WBP1L: variants seen among roughly 807,000 people sequenced by gnomAD.
The protein encoded by WBP1L is WW domain binding protein 1 like.
Under a neutral mutation model 33.7 loss-of-function variants are expected in WBP1L, and 17 were observed. The observed-to-expected ratio is 0.50, with a 90% CI of 0.34 to 0.76. The LOEUF (loss-of-function observed/expected upper bound fraction) is 0.76, where lower values mean the gene tolerates loss of function less well. WBP1L is among the 30% of genes least tolerant of loss of function. The pLI, the probability that WBP1L is intolerant of heterozygous loss-of-function variation, is 0.01. For missense variants in WBP1L, 389 were observed against 469.4 expected (o/e 0.83, Z 1.58); for synonymous variants, 173 against 190.8 (o/e 0.91, Z 0.77).
chr10:102,761,584 G>C lies in WBP1L; in HGVS notation c.90+17441G>C, dbSNP rs576541389. ...TGAGTCTCCTGCCTCAGCCTTCTGA[G>C]TAGCTGGGATTACAGGCACCTTCCA... On this transcript the variant is annotated intron_variant, in intron 1 of 3. Coordinates refer to ENST00000448841, the MANE Select transcript of WBP1L (RefSeq NM_001083913.2). Among the ~76,000 whole-genome samples the C allele has an allele frequency of 9.1e-4, 138 of 152,148 alleles. 2 individuals are homozygous for C. Among genetic ancestry groups the C allele is most frequent in the Admixed American group, 8.3e-3 (127 of 15,286 alleles).
intron 1 of WBP1L, among the ~76,000 whole-genome samples, chr10:102,760,789 G>A (rs1177563169): frequency 2.0e-5 from 3 of 152,176 alleles, no homozygotes; most frequent in Non-Finnish European, 4.4e-5. Flanking sequence ...GAGTCTTAGT[G>A]CATATGCTTA....
intron 1 of WBP1L, among the ~76,000 whole-genome samples, chr10:102,779,458 C>G (rs1843308882): frequency 6.6e-6 from 1 of 151,834 alleles, no homozygotes; most frequent in African/African-American, 2.4e-5. Flanking sequence ...CCACCACGCC[C>G]AGCTAATTTT....
intron 1 of WBP1L, among the ~76,000 whole-genome samples, chr10:102,764,822 A>G (rs1192208275): frequency 1.3e-5 from 2 of 152,244 alleles, no homozygotes; most frequent in Non-Finnish European, 2.9e-5. Context: ...GCACGGTGCC[A>G]TGAGCTGTGC....
At chr10:102,783,350 G>C (rs574025910) in intron 1 of WBP1L, among the ~76,000 whole-genome samples, 18 of 152,302 alleles carry the variant, frequency 1.2e-4, no homozygotes, top group Middle Eastern at 3.4e-3. Flanking sequence ...CCTTCATGCT[G>C]CTGCTTGTAC....
intron 3 of WBP1L, among the ~76,000 whole-genome samples, chr10:102,811,953 C>T (rs943646861): frequency 3.3e-5 from 5 of 152,184 alleles, no homozygotes; most frequent in Non-Finnish European, 7.4e-5. Context: ...AAAGATAACT[C>T]ACCTAGCATG....
chr10:102,767,914 C>A (rs1843132610), intron 1 of WBP1L, among the ~76,000 whole-genome samples: 1 of 152,200 alleles, frequency 6.6e-6, no homozygotes. Flanking sequence ...GACATTCTAC[C>A]CCCAACTAAT....
In WBP1L at chr10:102,814,487, G is replaced by A. The variant is rs1323970420; in HGVS notation, c.*1156G>A. 1.9e-5 allele frequency: 2 copies of A among 104,578 alleles called. No individual in the cohort carries two copies. The highest frequency in any genetic ancestry group is 4.0e-5 in the Non-Finnish European group (2 of 50,092). The allele number at this position is 104,578 out of a possible 1,614,324, so 6.5% of individuals were successfully genotyped here. A position where few individuals can be genotyped will look rare whatever the true frequency, so the allele number is the denominator to read the frequency against. On this transcript the variant is annotated 3_prime_UTR_variant, in exon 4 of 4. Transcript: ENST00000448841. ...CTTTGATTCTGAATAAATATTTTTT[G>A]TGGGGTTTTTTTTTTTTTTTTGGTG...
chr10:102,757,590 T>G (rs1842991860), intron 1 of WBP1L, among the ~76,000 whole-genome samples: 3 of 148,746 alleles, frequency 2.0e-5, no homozygotes, highest in South Asian at 2.2e-4. Flanking sequence ...TTTTTTTTTT[T>G]TTGTTGATAC....
chr10:102,776,742 G>A (rs1450176249), intron 1 of WBP1L, among the ~76,000 whole-genome samples: 2 of 152,168 alleles, frequency 1.3e-5, no homozygotes, highest in East Asian at 3.8e-4. Context: ...GAGGCAGAGT[G>A]CGATTCTTGC....
At chr10:102,771,803 G>A (rs1173577161) in intron 1 of WBP1L, among the ~76,000 whole-genome samples, 1 of 116,014 alleles carries the variant, frequency 8.6e-6, no homozygotes, top group African/African-American at 3.8e-5. Context: ...GTGAGACTCT[G>A]TCTCAAGAAA....
chr10:102,792,310 T>C (rs774594462), intron 1 of WBP1L, among the ~76,000 whole-genome samples: 1 of 152,258 alleles, frequency 6.6e-6, no homozygotes, highest in Non-Finnish European at 1.5e-5. Context: ...GCATTCATTA[T>C]GCACCAAAGT....
chr10:102,768,535 C>T lies in WBP1L; in HGVS notation c.90+24392C>T, dbSNP rs57728980. 5.4e-5 allele frequency among the ~76,000 whole-genome samples: 3 copies of T among 56,012 alleles called. 1 individual carries two copies. The highest frequency in any genetic ancestry group is 5.0e-4 in the Admixed American group (3 of 5,978). The allele number at this position is 56,012 out of a possible 152,430, so 36.7% of individuals were successfully genotyped here. ...CCCAGTAGCTGTGACTACAGGCGCC[C>T]GCCACCGCGCCCGGCTAATTTTTTT... On this transcript the variant is annotated intron_variant, in intron 1 of 3. Transcript: ENST00000448841.
chr10:102,753,936 C>G (rs1388547827), intron 1 of WBP1L, among the ~76,000 whole-genome samples: 1 of 152,144 alleles, frequency 6.6e-6, no homozygotes, highest in Non-Finnish European at 1.5e-5. Flanking sequence ...CAGAGGCATG[C>G]ATTCATGGAG....
chr10:102,782,686 C>G (rs1440301878), intron 1 of WBP1L, among the ~76,000 whole-genome samples: 3 of 152,078 alleles, frequency 2.0e-5, no homozygotes, highest in African/African-American at 7.2e-5. Flanking sequence ...GCAGAGCTCA[C>G]CTGAACTTGA....
chr10:102,783,294 T>G (rs997669329), intron 1 of WBP1L, among the ~76,000 whole-genome samples: 1 of 152,212 alleles, frequency 6.6e-6, no homozygotes, highest in Middle Eastern at 3.2e-3. Flanking sequence ...GCACTGGTCA[T>G]GTGAAAATCA....
rs750678879 is a variant in WBP1L, at chr10:102,813,389, C to T, written c.*58C>T. 1.2e-4 allele frequency: 180 copies of T among 1,529,510 alleles called. 1 individual carries two copies. Among genetic ancestry groups the T allele is most frequent in the Non-Finnish European group, 1.4e-4 (159 of 1,141,544 alleles). The allele number at this position is 1,529,510 out of a possible 1,614,324, so 94.7% of individuals were successfully genotyped here. A position where few individuals can be genotyped will look rare whatever the true frequency, so the allele number is the denominator to read the frequency against. On this transcript the variant is annotated 3_prime_UTR_variant, in exon 4 of 4. Transcript: ENST00000448841. Reference sequence around the variant, plus strand: ...AAGCAACCAGGGTAGGGGAGAACCACGAGAGAAGCATTAAGTGACTTTCAA... The same window carrying T: ...AAGCAACCAGGGTAGGGGAGAACCATGAGAGAAGCATTAAGTGACTTTCAA...
intron 1 of WBP1L, among the ~76,000 whole-genome samples, chr10:102,755,079 A>G (rs1337886336): frequency 2.0e-5 from 3 of 151,162 alleles, no homozygotes; most frequent in Non-Finnish European, 4.4e-5. Flanking sequence ...CCTCCCCAGT[A>G]GTTGGGATTA....
intron 1 of WBP1L, among the ~76,000 whole-genome samples, chr10:102,764,570 T>C (rs1261869750): frequency 1.3e-5 from 2 of 152,202 alleles, no homozygotes; most frequent in East Asian, 3.9e-4. Context: ...GTCCCCTGCA[T>C]CTGGTATGAT....
Position 102,744,000 on chromosome 10 carries a change from A to G in WBP1L, c.-54A>G. On this transcript the variant is annotated 5_prime_UTR_variant, in exon 1 of 4. Transcript: ENST00000448841. ...AAGAAGAGGGTAGAGGAGGAGAGGG[A>G]GGAGGAGGAGGGAGGTGGCGGCGCC... is the stretch of plus-strand genomic sequence containing the variant. 1.6e-6 allele frequency: 2 copies of G among 1,223,484 alleles called. No homozygotes were observed. The highest frequency in any genetic ancestry group is 2.3e-6 in the Non-Finnish European group (2 of 860,350). The allele number at this position is 1,223,484 out of a possible 1,614,324, so 75.8% of individuals were successfully genotyped here.
Sources: gnomAD v4.1 joint callset for allele counts (sites outside exome capture counted in the v4.1 genomes callset) on GRCh38, gnomAD v4.1.1 for gene constraint, MANE v1.5 for transcripts, NCBI Gene and HGNC (gene_info 2026-07-23, HGNC 2026-07-21) for gene names.